LTA4H: variants seen among roughly 807,000 people sequenced by gnomAD.
LTA4H encodes the protein leukotriene A4 hydrolase.
LTA4H carries 59 observed loss-of-function variants against 89.8 expected under a neutral mutation model. The observed-to-expected ratio is 0.66, with a 90% CI of 0.53 to 0.82. LTA4H has a LOEUF of 0.82. Ranked by LOEUF, LTA4H falls within the 40% of genes least tolerant of loss-of-function variation. The pLI is 0.00. For missense variants in LTA4H, 617 were observed against 727.0 expected (o/e 0.85, Z 1.74); for synonymous variants, 227 against 253.1 (o/e 0.90, Z 0.98).
chr12:96,013,635 G>A, intron 13 of LTA4H, 115 bp downstream of exon 13: 3 of 633,520 alleles, frequency 4.7e-6, no homozygotes, highest in Non-Finnish European at 8.4e-6. Context: ...GCAATGAGAG[G>A]TTGAGTCCTA....
At chr12:96,011,664 T>C (rs937176414) in intron 14 of LTA4H, 1 of 152,252 alleles carries the variant, frequency 6.6e-6, no homozygotes, top group Admixed American at 6.5e-5. Flanking sequence ...TTATTCATCA[T>C]ATTAGTGCCT....
At chr12:96,002,928 G>T in intron 18 of LTA4H, 32 bp downstream of exon 18, 1 of 1,381,890 alleles carries the variant, frequency 7.2e-7, no homozygotes, top group Non-Finnish European at 1.0e-6. Context: ...TTTCTTAGAT[G>T]AATTCAAAGT....
Position 96,023,420 on chromosome 12 carries a change from C to T in LTA4H, c.480+1059G>A, listed in dbSNP as rs535861313. Among the ~76,000 whole-genome samples, 22 of 152,260 alleles carry T rather than the reference C, an allele frequency of 1.4e-4. No homozygotes were observed. The Middle Eastern group carries it at 0.01, about 71-fold the overall frequency. ...TTTTAGAAATGGGGTCTCGCTATGT[C>T]GCCCAGGCTGGCCTTGAACTTCTGA... On this transcript the variant is annotated intron_variant, in intron 4 of 18. Transcript: ENST00000228740.
intron 15 of LTA4H, among the ~76,000 whole-genome samples, chr12:96,006,942 A>T (rs375950596): frequency 6.6e-6 from 1 of 152,230 alleles, no homozygotes; most frequent in East Asian, 1.9e-4. Context: ...ATCTTTGAGA[A>T]GATGATTAAG....
chr12:96,043,429 C>A lies in LTA4H; in HGVS notation c.-54G>T, dbSNP rs575108537. 1.5e-5 allele frequency: 16 copies of A among 1,081,378 alleles called. No homozygotes were observed. The African/African-American group carries it at 1.6e-4, about 11-fold the overall frequency. 67.0% of individuals were successfully genotyped at this position (1,081,378 alleles called of 1,614,324 possible). ...GGAGGAGAGAAAATAAACTCCCAAG[C>A]CCATGCATCCTCTTGCCCTCTTCCC... is the stretch of plus-strand genomic sequence containing the variant. On this transcript the variant is annotated 5_prime_UTR_variant, in exon 1 of 18. Transcript: ENST00000413268.
intron 1 of LTA4H, chr12:96,043,243 G>A (rs1566022461): frequency 6.6e-6 from 9 of 1,371,494 alleles, no homozygotes; most frequent in Middle Eastern, 3.5e-4. Context: ...GCAGGGACTC[G>A]ACTTGAAAGA....
intron 15 of LTA4H, among the ~76,000 whole-genome samples, chr12:96,007,708 G>C (rs1950225125): frequency 6.6e-6 from 1 of 152,132 alleles, no homozygotes; most frequent in Admixed American, 6.5e-5. Flanking sequence ...CACCTTAACT[G>C]CTGGGCCCAA....
At chr12:96,009,350 C>T (rs1042807180) in intron 14 of LTA4H, 1 of 547,200 alleles carries the variant, frequency 1.8e-6, no homozygotes, top group African/African-American at 1.9e-5. Context: ...ATGGATACCA[C>T]ATTAATGAAA....
chr12:96,041,501 A>AT (rs1376590339), intron 1 of LTA4H, among the ~76,000 whole-genome samples: 1 of 152,080 alleles, frequency 6.6e-6, no homozygotes, highest in East Asian at 1.9e-4. Flanking sequence ...TATCCTCTAC[A>AT]TGCATCAAAA....
intron 15 of LTA4H, among the ~76,000 whole-genome samples, chr12:96,006,903 A>C (rs909277823): frequency 1.3e-5 from 2 of 152,192 alleles, no homozygotes; most frequent in African/African-American, 4.8e-5. Flanking sequence ...ATGAGTCTGC[A>C]CTTTTCAAAT....
chr12:96,017,383 A>G (rs1950394522), intron 9 of LTA4H, among the ~76,000 whole-genome samples, 174 bp downstream of exon 9: 1 of 152,202 alleles, frequency 6.6e-6, no homozygotes. Context: ...ATATGAAGAG[A>G]TCAAACCATA....
intron 7 of LTA4H, 35 bp downstream of exon 7, chr12:96,019,133 T>C (rs745509138): frequency 6.4e-7 from 1 of 1,564,752 alleles, no homozygotes; most frequent in Non-Finnish European, 8.7e-7. Flanking sequence ...CTACTGTCTA[T>C]CACAATGATT....
intron 18 of LTA4H, among the ~76,000 whole-genome samples, chr12:96,002,565 A>G (rs1592860960): frequency 6.6e-6 from 1 of 151,968 alleles, no homozygotes; most frequent in South Asian, 2.1e-4. Flanking sequence ...CTTGACCTCT[A>G]TGCAACATTT....
chr12:96,030,548 A>G (rs1790662916), intron 1 of LTA4H, among the ~76,000 whole-genome samples: 1 of 152,188 alleles, frequency 6.6e-6, no homozygotes, highest in Non-Finnish European at 1.5e-5. Context: ...GAACTCTTCC[A>G]GTTACCTAAG....
chr12:96,015,513 T>A (rs531899791), intron 11 of LTA4H, 70 bp downstream of exon 11: 1 of 1,133,178 alleles, frequency 8.8e-7, no homozygotes. Context: ...TAAAGACGCT[T>A]TTATAAAAAC....
chr12:96,026,302 C>CA (rs199756201), intron 3 of LTA4H, among the ~76,000 whole-genome samples: 2 of 152,312 alleles, frequency 1.3e-5, no homozygotes, highest in East Asian at 3.9e-4. Context: ...ATTCATCAAA[C>CA]AAAATCATGT....
intron 11 of LTA4H, 120 bp downstream of exon 11, chr12:96,015,463 T>C: frequency 1.4e-6 from 1 of 692,582 alleles, no homozygotes; most frequent in East Asian, 2.6e-5. Context: ...TTGACTTCAC[T>C]TTCCACACTT....
At position 96,017,078 on chromosome 12, in the gene LTA4H, TC is replaced by T; in HGVS notation, c.912del (p.Asn305IlefsTer2). The T allele has an allele frequency of 1.9e-6, 3 of 1,612,508 alleles. No individual in the cohort carries two copies. The highest frequency in any genetic ancestry group is 2.5e-6 in the Non-Finnish European group (3 of 1,178,612). On this transcript the variant is annotated frameshift_variant, in exon 10 of 19. Coordinates refer to ENST00000228740, the MANE Select transcript of LTA4H (RefSeq NM_000895.3). LOFTEE classifies it high-confidence loss of function. ...TCCCAAGTTTTGTTGGTCACTAGAT[TC>T]CCTGTCCAGCTATGAGATATTTCAT... is the stretch of plus-strand genomic sequence containing the variant. ...IAHEISHSWT[G>X]NLVTNKTWDH...
In LTA4H at chr12:96,024,058, T is replaced by C. The variant is rs1950484655; in HGVS notation, c.480+421A>G. On this transcript the variant is annotated intron_variant, in intron 4 of 18. Coordinates refer to ENST00000228740, the MANE Select transcript of LTA4H (RefSeq NM_000895.3). Reference sequence around the variant, plus strand: ...CATTCTCCTGCCTCAGCCTGCCGAGTAGCTGGGACTACAGGTGCCCGCCAC... The same window carrying C: ...CATTCTCCTGCCTCAGCCTGCCGAGCAGCTGGGACTACAGGTGCCCGCCAC... Among the ~76,000 whole-genome samples the C allele has an allele frequency of 2.6e-5, 4 of 152,044 alleles. No homozygotes were observed. In the South Asian group the frequency reaches 8.3e-4, roughly 32 times the overall value.
Sources: allele counts gnomAD v4.1 joint callset (sites outside exome capture counted in the v4.1 genomes callset), GRCh38; gene constraint gnomAD v4.1.1; transcripts MANE v1.5; gene names NCBI Gene and HGNC (gene_info 2026-07-23, HGNC 2026-07-21).